ATRN: variants seen among roughly 807,000 people sequenced by gnomAD.
ATRN encodes attractin-2.
ATRN carries 54 observed loss-of-function variants against 178.7 expected under a neutral mutation model. The ratio of observed to expected loss-of-function variants is 0.30; its 90% CI spans 0.24 to 0.38. ATRN has a LOEUF of 0.38. Ranked by LOEUF, ATRN falls within the 10% of genes least tolerant of loss-of-function variation. The pLI, the probability that ATRN is intolerant of heterozygous loss-of-function variation, is 1.00. For synonymous variants in ATRN, 636 were observed against 663.0 expected (o/e 0.96, Z 0.63); for missense variants, 1,443 against 1,815.1 (o/e 0.79, Z 3.73).
chr20:3,595,423 T>A (rs1195358078), intron 20 of ATRN, among the ~76,000 whole-genome samples: 2 of 152,352 alleles, frequency 1.3e-5, no homozygotes, highest in East Asian at 3.9e-4. Flanking sequence ...CACCAGTGAT[T>A]GAGACATCAT....
At chr20:3,477,919 T>C (rs186485054) in intron 1 of ATRN, among the ~76,000 whole-genome samples, 4 of 152,328 alleles carry the variant, frequency 2.6e-5, no homozygotes, top group South Asian at 2.1e-4. Flanking sequence ...TCATACTGAA[T>C]CATGTATAAC....
At position 3,504,688 on chromosome 20, in the gene ATRN, GATAATAATAATA is replaced by G. The variant is rs60176330; in HGVS notation, c.411-30525_411-30514del. Among the ~76,000 whole-genome samples, 1,117 of 135,916 alleles carry G rather than the reference GATAATAATAATA, an allele frequency of 8.2e-3. 5 individuals carry two copies. The highest frequency in any genetic ancestry group is 0.013 in the South Asian group (50 of 3,918). 89.2% of individuals were successfully genotyped at this position (135,916 alleles called of 152,430 possible). A position where few individuals can be genotyped will look rare whatever the true frequency, so the allele number is the denominator to read the frequency against. On this transcript the variant is annotated intron_variant, in intron 1 of 28. Transcript: ENST00000262919. Reference sequence around the variant, plus strand: ...CAATAAGAGTGAAACTCTGTCTTAAGATAATAATAATAATAATAATAATAATAATAATAATAA... The same window carrying G: ...CAATAAGAGTGAAACTCTGTCTTAAGATAATAATAATAATAATAATAATAA...
chr20:3,560,569 A>T, intron 7 of ATRN, 93 bp from the exon 8 acceptor site: 1 of 1,122,186 alleles, frequency 8.9e-7, no homozygotes, highest in Non-Finnish European at 1.3e-6. Context: ...AACCTTTTTT[A>T]AGCTGAGAAT....
chr20:3,489,176 G>T (rs1028643749), intron 1 of ATRN, among the ~76,000 whole-genome samples: 4 of 152,266 alleles, frequency 2.6e-5, no homozygotes, highest in South Asian at 4.1e-4. Context: ...GGCCAGGTTG[G>T]TCTTGAACTC....
intron 28 of ATRN, 117 bp downstream of exon 28, chr20:3,644,385 C>A: frequency 1.2e-6 from 1 of 832,490 alleles, no homozygotes; most frequent in Non-Finnish European, 1.9e-6. Context: ...AGTGCCTGCC[C>A]ATGCCATGGC....
At chr20:3,507,694 ATTTTT>A (rs55823401) in intron 1 of ATRN, among the ~76,000 whole-genome samples, 6 of 114,704 alleles carry the variant, frequency 5.2e-5, no homozygotes, top group South Asian at 2.7e-4. Context: ...AGTTAAAAAT[ATTTTT>A]TTTTTTTTTT....
At chr20:3,621,997 T>C (rs888092505) in intron 24 of ATRN, among the ~76,000 whole-genome samples, 1 of 152,240 alleles carries the variant, frequency 6.6e-6, no homozygotes, top group African/African-American at 2.4e-5. Context: ...TGGAGATATA[T>C]GGTCAGTGGG....
rs1419501373 is a variant in ATRN at position 3,489,751 on chromosome 20, A to G, written c.410+18234A>G. The G allele has an allele frequency of 4.6e-6, 7 of 1,509,292 alleles. No individual in the cohort carries two copies. The Admixed American group carries it at 5.0e-5, about 11-fold the overall frequency. 93.5% of individuals were successfully genotyped at this position (1,509,292 alleles called of 1,614,324 possible). A position where few individuals can be genotyped will look rare whatever the true frequency, so the allele number is the denominator to read the frequency against. On this transcript the variant is annotated intron_variant, in intron 1 of 28. Coordinates refer to ENST00000262919, the MANE Select transcript of ATRN (RefSeq NM_139321.3). Reference sequence around the variant, plus strand: ...CACCTCATGCCATGAGCATGATGCTATTCAGCAAAGTGTCACTGGAAGGCT... The same window carrying G: ...CACCTCATGCCATGAGCATGATGCTGTTCAGCAAAGTGTCACTGGAAGGCT...
At chr20:3,478,802 C>T (rs776628952) in intron 1 of ATRN, among the ~76,000 whole-genome samples, 65 of 151,978 alleles carry the variant, frequency 4.3e-4, no homozygotes, top group Non-Finnish European at 7.2e-4. Flanking sequence ...CTTTCTACTT[C>T]GTAGTTTTTC....
chr20:3,520,131 C>T (rs1177377476), intron 1 of ATRN, among the ~76,000 whole-genome samples: 2 of 152,034 alleles, frequency 1.3e-5, no homozygotes, highest in African/African-American at 2.4e-5. Flanking sequence ...TACATTAGAC[C>T]TCTTTAATAG....
chr20:3,558,319 ATTC>A (rs1336284950), intron 6 of ATRN, among the ~76,000 whole-genome samples: 1 of 152,016 alleles, frequency 6.6e-6, no homozygotes, highest in Non-Finnish European at 1.5e-5. Context: ...CTGTATACTT[ATTC>A]TTTATGTTAT....
intron 1 of ATRN, among the ~76,000 whole-genome samples, chr20:3,474,687 A>G (rs1418325649): frequency 6.6e-6 from 1 of 151,436 alleles, no homozygotes; most frequent in Non-Finnish European, 1.5e-5. Context: ...AGCCTGGGTG[A>G]CAGAGCGAGA....
At chr20:3,578,494 TTTCGGTA>T in intron 14 of ATRN, 81 bp from the exon 15 acceptor site, 1 of 1,208,766 alleles carries the variant, frequency 8.3e-7, no homozygotes, top group Non-Finnish European at 1.1e-6. Context: ...AGAAAGGCCA[TTTCGGTA>T]TTCAGTAATT....
intron 27 of ATRN, 101 bp downstream of exon 27, chr20:3,639,036 C>CT (rs2087046860): frequency 7.8e-6 from 6 of 772,860 alleles, no homozygotes; most frequent in African/African-American, 1.8e-5. Context: ...CCATTACCTC[C>CT]TTTTTTTCCT....
intron 2 of ATRN, among the ~76,000 whole-genome samples, chr20:3,537,695 T>C (rs2085558310): frequency 6.7e-6 from 1 of 148,326 alleles, no homozygotes; most frequent in African/African-American, 2.5e-5. Flanking sequence ...CGGTGTGTGA[T>C]GTTCCCCTTC....
chr20:3,477,872 GTCA>G (rs2084551372), intron 1 of ATRN, among the ~76,000 whole-genome samples: 2 of 152,174 alleles, frequency 1.3e-5, no homozygotes, highest in African/African-American at 4.8e-5. Context: ...GAACTTCTCT[GTCA>G]TCCACTGTTT....
chr20:3,598,091 C>T (rs1338779018), intron 22 of ATRN, 91 bp downstream of exon 22: 5 of 792,934 alleles, frequency 6.3e-6, no homozygotes, highest in Middle Eastern at 2.3e-4. Flanking sequence ...CTTAACAGTG[C>T]TCTCCAGACT....
chr20:3,598,404 A>C (rs1218496012), intron 22 of ATRN, among the ~76,000 whole-genome samples: 4 of 151,834 alleles, frequency 2.6e-5, no homozygotes, highest in Non-Finnish European at 4.4e-5. Context: ...ACAGCAAGGG[A>C]GGGGACCCCA....
At chr20:3,615,266 T>A (rs975058159) in intron 24 of ATRN, among the ~76,000 whole-genome samples, 2 of 151,714 alleles carry the variant, frequency 1.3e-5, no homozygotes, top group East Asian at 3.9e-4. Context: ...CTGTCTCTAC[T>A]AAAGTACAAA....
Sources: gnomAD v4.1 joint callset for allele counts (sites outside exome capture counted in the v4.1 genomes callset) on GRCh38, gnomAD v4.1.1 for gene constraint, MANE v1.5 for transcripts, NCBI Gene and HGNC (gene_info 2026-07-23, HGNC 2026-07-21) for gene names.